Variants in RPN2 observed in about 807,000 individuals in gnomAD.
RPN2 encodes ribophorin II.
In RPN2, 29 loss-of-function variants were observed where a neutral mutation model predicts 71.4. The observed-to-expected ratio is 0.41, with a 90% CI of 0.30 to 0.55. RPN2 has a LOEUF of 0.55. RPN2 is among the 20% of genes least tolerant of loss of function. The pLI is 0.35. For synonymous variants in RPN2, 308 were observed against 305.0 expected (o/e 1.01, Z -0.10); for missense variants, 726 against 774.1 (o/e 0.94, Z 0.74).
chr20:37,241,413 A>T lies in RPN2; in HGVS notation c.*98A>T. 7.0e-7 allele frequency: 1 copy of T among 1,436,018 alleles called. No individual in the cohort carries two copies. The highest frequency in any genetic ancestry group is 2.4e-5 in the East Asian group (1 of 40,932). 89.0% of individuals were successfully genotyped at this position (1,436,018 alleles called of 1,614,324 possible). ...AAGAAAAATGGAAAAAAAAAACTTT[A>T]TTTAAAAAAGAAAAAAGTCCAGATT... On this transcript the variant is annotated 3_prime_UTR_variant, in exon 17 of 17. Coordinates refer to ENST00000237530, the MANE Select transcript of RPN2 (RefSeq NM_002951.5).
intron 2 of RPN2, among the ~76,000 whole-genome samples, chr20:37,197,418 G>A (rs1444329632): frequency 1.3e-5 from 2 of 152,152 alleles, no homozygotes; most frequent in African/African-American, 4.8e-5. Context: ...GTAAGGCAGT[G>A]ACAGAAACCA....
chr20:37,235,909 C>G (rs925272365), intron 15 of RPN2, among the ~76,000 whole-genome samples: 1 of 152,130 alleles, frequency 6.6e-6, no homozygotes, highest in Non-Finnish European at 1.5e-5. Context: ...CTCGGCCTCC[C>G]AAAGTGCTGG....
At chr20:37,227,402 G>A (rs2068104138) in intron 11 of RPN2, among the ~76,000 whole-genome samples, 1 of 152,206 alleles carries the variant, frequency 6.6e-6, no homozygotes, top group African/African-American at 2.4e-5. Flanking sequence ...GGTGGAGGTG[G>A]CATTTTGGTG....
chr20:37,179,545 G>A (rs1027528755), intron 1 of RPN2, 176 bp downstream of exon 1: 1 of 1,388,904 alleles, frequency 7.2e-7, no homozygotes, highest in South Asian at 1.6e-5. Context: ...GAGCTGGTGG[G>A]AGTGCCCGCG....
At chr20:37,231,686 T>TG (rs1193036338) in intron 13 of RPN2, among the ~76,000 whole-genome samples, 1 of 147,972 alleles carries the variant, frequency 6.8e-6, no homozygotes, top group Non-Finnish European at 1.5e-5. Context: ...CACTTCAACC[T>TG]GGGTGACACA....
At chr20:37,187,649 TA>T (rs1343221714) in intron 2 of RPN2, among the ~76,000 whole-genome samples, 1 of 152,160 alleles carries the variant, frequency 6.6e-6, no homozygotes. Flanking sequence ...TGTTTTATTT[TA>T]TTTTTTTGAG....
intron 1 of RPN2, among the ~76,000 whole-genome samples, chr20:37,183,456 G>C (rs1203504616): frequency 6.6e-6 from 1 of 152,154 alleles, no homozygotes; most frequent in Non-Finnish European, 1.5e-5. Flanking sequence ...GACCTCAGGT[G>C]ATCCACCTGC....
intron 8 of RPN2, among the ~76,000 whole-genome samples, chr20:37,210,905 A>C (rs2067646895): frequency 6.6e-6 from 1 of 152,050 alleles, no homozygotes; most frequent in Non-Finnish European, 1.5e-5. Context: ...AATTCAGTTA[A>C]GGGCCAGGCA....
intron 2 of RPN2, among the ~76,000 whole-genome samples, chr20:37,184,781 G>T (rs2066969729): frequency 6.6e-6 from 1 of 152,198 alleles, no homozygotes; most frequent in Admixed American, 6.5e-5. Flanking sequence ...AACAGTGTGA[G>T]ACTCAGTCTC....
intron 4 of RPN2, 94 bp from the exon 5 acceptor site, chr20:37,203,791 A>G: frequency 1.2e-6 from 1 of 865,360 alleles, no homozygotes; most frequent in Non-Finnish European, 2.0e-6. Context: ...AAAGAACAAG[A>G]GTAGGATATT....
rs189087289 is a variant in RPN2, at chr20:37,184,890, G to A, written c.207+517G>A. Among the ~76,000 whole-genome samples the A allele has an allele frequency of 1.4e-3, 216 of 152,226 alleles. 2 individuals carry two copies. The highest frequency in any genetic ancestry group is 4.9e-3 in the African/African-American group (205 of 41,548). ...CATACCAGATCAGTTATTTTTAGTG[G>A]GATGTCAAGAAGAGCAAGCATAGAT... is the stretch of plus-strand genomic sequence containing the variant. On this transcript the variant is annotated intron_variant, in intron 2 of 16. Transcript: ENST00000237530.
intron 4 of RPN2, among the ~76,000 whole-genome samples, chr20:37,200,142 G>A (rs1421993299): frequency 2.0e-5 from 3 of 152,002 alleles, no homozygotes; most frequent in African/African-American, 7.3e-5. Context: ...TTACAGGCGC[G>A]CCACCACGCC....
chr20:37,214,957 C>T (rs2067772289), intron 9 of RPN2, among the ~76,000 whole-genome samples: 1 of 152,078 alleles, frequency 6.6e-6, no homozygotes, highest in Admixed American at 6.5e-5. Context: ...TCTTTCATTC[C>T]TTCTACATTT....
intron 2 of RPN2, among the ~76,000 whole-genome samples, chr20:37,185,186 C>G (rs2066980892): frequency 6.7e-6 from 1 of 149,138 alleles, no homozygotes; most frequent in African/African-American, 2.5e-5. Flanking sequence ...CTCACCCAGG[C>G]TAGAGTGCAG....
At chr20:37,207,552 G>T in intron 7 of RPN2, 103 bp downstream of exon 7, 1 of 1,096,778 alleles carries the variant, frequency 9.1e-7, no homozygotes, top group Non-Finnish European at 1.4e-6. Context: ...CCCCTACAAG[G>T]ACATACCCAT....
chr20:37,206,673 G>A (rs908728359), intron 6 of RPN2, among the ~76,000 whole-genome samples: 2 of 152,128 alleles, frequency 1.3e-5, no homozygotes. Flanking sequence ...TATCTCAGTA[G>A]TTATCTGGAA....
At chr20:37,223,462 A>G (rs2068006434) in intron 9 of RPN2, among the ~76,000 whole-genome samples, 1 of 152,224 alleles carries the variant, frequency 6.6e-6, no homozygotes, top group Non-Finnish European at 1.5e-5. Context: ...TAAATGAGAT[A>G]GTCTTTACAA....
chr20:37,202,701 T>C (rs2067420025), intron 4 of RPN2, among the ~76,000 whole-genome samples: 1 of 152,144 alleles, frequency 6.6e-6, no homozygotes, highest in Admixed American at 6.5e-5. Flanking sequence ...TAGATAAAAA[T>C]ATATGAATAA....
intron 12 of RPN2, among the ~76,000 whole-genome samples, chr20:37,229,450 G>A (rs1458541435): frequency 1.3e-5 from 2 of 152,186 alleles, no homozygotes; most frequent in Admixed American, 6.5e-5. Flanking sequence ...GTCAAAAGCA[G>A]GAGGTGATGA....
Sources: allele counts gnomAD v4.1 joint callset (sites outside exome capture counted in the v4.1 genomes callset), GRCh38; gene constraint gnomAD v4.1.1; transcripts MANE v1.5; gene names NCBI Gene and HGNC (gene_info 2026-07-23, HGNC 2026-07-21).